HOOK1: variants seen among roughly 807,000 people sequenced by gnomAD.
HOOK1 encodes the protein protein Hook homolog 1.
In HOOK1, 60 loss-of-function variants were observed where a neutral mutation model predicts 112.8. The observed-to-expected ratio is 0.53, with a 90% CI of 0.43 to 0.66. The LOEUF is 0.66. HOOK1 is among the 30% of genes least tolerant of loss of function. The pLI, the probability that HOOK1 is intolerant of heterozygous loss-of-function variation, is 0.00. For missense variants in HOOK1, 770 were observed against 856.0 expected (o/e 0.90, Z 1.25); for synonymous variants, 294 against 283.8 (o/e 1.04, Z -0.36).
chr1:59,846,980 G>A, intron 9 of HOOK1, 65 bp from the exon 10 acceptor site: 1 of 1,341,978 alleles, frequency 7.5e-7, no homozygotes, highest in South Asian at 1.4e-5. Context: ...AGTCATGCAA[G>A]TTACAATTAT....
chr1:59,853,730 C>T (rs1256002220), intron 12 of HOOK1, among the ~76,000 whole-genome samples: 1 of 151,542 alleles, frequency 6.6e-6, no homozygotes, highest in Non-Finnish European at 1.5e-5. Context: ...GTTTCTTTTA[C>T]AAGTTTTTAA....
chr1:59,822,146 T>A (rs1189015579), intron 2 of HOOK1, among the ~76,000 whole-genome samples: 1 of 152,196 alleles, frequency 6.6e-6, no homozygotes, highest in Non-Finnish European at 1.5e-5. Context: ...TAGAGATACA[T>A]CTTAACTGGA....
chr1:59,862,587 A>C (rs1410903804), intron 15 of HOOK1, among the ~76,000 whole-genome samples, 197 bp from the exon 16 acceptor site: 1 of 152,150 alleles, frequency 6.6e-6, no homozygotes, highest in African/African-American at 2.4e-5. Context: ...TCAGGAAAAA[A>C]GTTTTCTTTT....
At chr1:59,840,277 T>G in intron 7 of HOOK1, 31 bp from the exon 8 acceptor site, 2 of 1,464,484 alleles carry the variant, frequency 1.4e-6, no homozygotes, top group Non-Finnish European at 1.8e-6. Flanking sequence ...AAAACACGAT[T>G]TACTAAGATT....
intron 8 of HOOK1, among the ~76,000 whole-genome samples, chr1:59,840,710 T>C (rs976777612): frequency 1.3e-5 from 2 of 152,122 alleles, no homozygotes; most frequent in Admixed American, 1.3e-4. Context: ...ATTGTGTATG[T>C]GAATATTAAG....
At chr1:59,824,629 AC>A (rs2098388513) in intron 2 of HOOK1, among the ~76,000 whole-genome samples, 1 of 152,244 alleles carries the variant, frequency 6.6e-6, no homozygotes, top group Non-Finnish European at 1.5e-5. Context: ...GCAAAATTTA[AC>A]CAATAGTTTT....
Position 59,872,974 on chromosome 1 carries a change from AAAAAC to A in HOOK1, c.*24_*28del, listed in dbSNP as rs1644081904. 6.2e-6 allele frequency: 9 copies of A among 1,448,082 alleles called. No individual in the cohort carries two copies. The highest frequency in any genetic ancestry group is 1.5e-5 in the South Asian group (1 of 67,930). 89.7% of individuals were successfully genotyped at this position (1,448,082 alleles called of 1,614,324 possible). On this transcript the variant is annotated 3_prime_UTR_variant, in exon 22 of 22. Transcript: ENST00000371208. The stretch of plus-strand genomic sequence containing the variant: ...CTACAACATCTGATTAAACTGCAAA[AAAAAC>A]AAAACAAAACAAAAAAACCACATAA...
In HOOK1 at chr1:59,848,456, A is replaced by G; in HGVS notation, c.1071A>G (p.Leu357=). The change falls in exon 11 of 22, where the codon TTA becomes TTG. Residue 357 remains leucine (L), a synonymous_variant. Coordinates refer to ENST00000371208, the MANE Select transcript of HOOK1 (RefSeq NM_015888.6). ...TGTATATGCATAATACAGTCAGCTTAGAAGAAGAATTAAAAAAAGCAAATG... is the reference window on the plus strand; with the variant it reads ...TGTATATGCATAATACAGTCAGCTTGGAAGAAGAATTAAAAAAAGCAAATG... ...NMMYMHNTVS[L]EEELKKANAA... The G allele has an allele frequency of 6.2e-7, 1 of 1,610,710 alleles. No individual in the cohort carries two copies. Among genetic ancestry groups the G allele is most frequent in the African/African-American group, 1.3e-5 (1 of 74,872 alleles).
rs373108317 is a variant in HOOK1, at chr1:59,849,035, C to A, written c.1132-38C>A. On this transcript the variant is annotated intron_variant, in intron 11 of 21. Coordinates refer to ENST00000371208, the MANE Select transcript of HOOK1 (RefSeq NM_015888.6). ...CTATTGAGATTTATACACTTATATA[C>A]TTTTAAGGACCTTTTTTCCTTTTGT... The A allele has an allele frequency of 3.9e-4, 515 of 1,329,922 alleles. 1 individual carries two copies. Among genetic ancestry groups the A allele is most frequent in the Admixed American group, 2.5e-3 (134 of 53,112 alleles). The allele number at this position is 1,329,922 out of a possible 1,614,324, so 82.4% of individuals were successfully genotyped here. A position where few individuals can be genotyped will look rare whatever the true frequency, so the allele number is the denominator to read the frequency against.
chr1:59,838,472 C>T (rs908450281), intron 7 of HOOK1, among the ~76,000 whole-genome samples: 30 of 151,910 alleles, frequency 2.0e-4, no homozygotes, highest in Admixed American at 3.9e-4. Context: ...TTCATATGTC[C>T]GTTCGCTGCA....
At chr1:59,858,752 AAAG>A (rs1050602223) in intron 13 of HOOK1, among the ~76,000 whole-genome samples, 1 of 148,692 alleles carries the variant, frequency 6.7e-6, no homozygotes, top group African/African-American at 2.5e-5. Context: ...GAAAGGAAAG[AAAG>A]AAGGAGGGAA....
intron 15 of HOOK1, among the ~76,000 whole-genome samples, chr1:59,861,171 A>G (rs1317527929): frequency 6.6e-6 from 1 of 152,108 alleles, no homozygotes; most frequent in Non-Finnish European, 1.5e-5. Flanking sequence ...TCAGCCTTCC[A>G]AAGTTGCTGG....
At chr1:59,843,220 A>G (rs985514137) in intron 8 of HOOK1, among the ~76,000 whole-genome samples, 1 of 150,472 alleles carries the variant, frequency 6.6e-6, no homozygotes, top group African/African-American at 2.4e-5. Context: ...TTTTCTCCAT[A>G]TGTGTATTGA....
At position 59,820,350 on chromosome 1, in the gene HOOK1, T is replaced by G. The variant is rs532224904; in HGVS notation, c.64-1508T>G. Among the ~76,000 whole-genome samples, 9 of 152,338 alleles carry G rather than the reference T, an allele frequency of 5.9e-5. No individual in the cohort carries two copies. The South Asian group carries it at 1.9e-3, about 32-fold the overall frequency. Reference sequence around the variant, plus strand: ...GAAACTACTCTACTGTTTCTTATTATGTAGATAATGCCATTAAGTGTAAAA... The same window carrying G: ...GAAACTACTCTACTGTTTCTTATTAGGTAGATAATGCCATTAAGTGTAAAA... On this transcript the variant is annotated intron_variant, in intron 1 of 21. Coordinates refer to ENST00000371208, the MANE Select transcript of HOOK1 (RefSeq NM_015888.6).
intron 4 of HOOK1, among the ~76,000 whole-genome samples, chr1:59,832,490 ATAAAG>A (rs1420387959): frequency 6.6e-6 from 1 of 152,166 alleles, no homozygotes; most frequent in African/African-American, 2.4e-5. Context: ...GTGCAATACT[ATAAAG>A]TAGACTTTAT....
intron 2 of HOOK1, 51 bp downstream of exon 2, chr1:59,821,994 C>A: frequency 1.4e-6 from 2 of 1,397,324 alleles, no homozygotes; most frequent in Non-Finnish European, 2.0e-6. Flanking sequence ...CCAATACATA[C>A]CAAGGAAGAA....
chr1:59,835,724 C>T (rs992441092), intron 6 of HOOK1, among the ~76,000 whole-genome samples: 1 of 151,980 alleles, frequency 6.6e-6, no homozygotes, highest in Non-Finnish European at 1.5e-5. Flanking sequence ...CCCGGGGTGG[C>T]GGGCAGGGGG....
chr1:59,851,019 G>C (rs2098406880), intron 12 of HOOK1, among the ~76,000 whole-genome samples: 1 of 151,442 alleles, frequency 6.6e-6, no homozygotes, highest in Non-Finnish European at 1.5e-5. Flanking sequence ...GTTTACTACT[G>C]GGTTGTATGT....
chr1:59,821,285 A>C (rs1314322073), intron 1 of HOOK1, among the ~76,000 whole-genome samples: 3 of 152,190 alleles, frequency 2.0e-5, no homozygotes, highest in Non-Finnish European at 4.4e-5. Context: ...TATATGTGAA[A>C]AGTTAGTATA....
Sources: gnomAD v4.1 joint callset for allele counts (sites outside exome capture counted in the v4.1 genomes callset) on GRCh38, gnomAD v4.1.1 for gene constraint, MANE v1.5 for transcripts, NCBI Gene and HGNC (gene_info 2026-07-23, HGNC 2026-07-21) for gene names.